DNAH10: variants seen among roughly 807,000 people sequenced by gnomAD.
The protein encoded by DNAH10 is dynein axonemal heavy chain 10.
In DNAH10, 348 loss-of-function variants were observed where a neutral mutation model predicts 506.6. That is an observed-to-expected ratio of 0.69 (90% CI 0.63 to 0.75). DNAH10 has a LOEUF of 0.75. Ranked by LOEUF, DNAH10 falls within the 30% of genes least tolerant of loss-of-function variation. DNAH10 has a pLI of 0.00. For missense variants in DNAH10, 5,179 were observed against 5,787.1 expected (o/e 0.89, Z 3.41); for synonymous variants, 2,059 against 2,198.6 (o/e 0.94, Z 1.78).
rs778755341 is a variant in DNAH10, at chr12:123,784,069, C to G, written c.1122C>G (p.Asp374Glu). The change falls in exon 8 of 79, where the codon GAC (aspartate) becomes GAG (glutamate). Residue 374 changes from aspartate to glutamate, a missense_variant. Physicochemically the swap from Asp to Glu is conservative, Grantham distance 45. This residue lies in a region of DNAH10 where 4,844 missense variants were observed against 5,430.5 expected (regional missense o/e 0.89). Coordinates refer to ENST00000673944, the MANE Select transcript of DNAH10 (RefSeq NM_001372106.1). ...RKVLDVIKES[D>E]SMLVANLQPV... ...TCTTGGATGTGATCAAGGAATCCGACTCCATGCTTGTGGCTAATCTGCAGC... is the reference window on the plus strand; with the variant it reads ...TCTTGGATGTGATCAAGGAATCCGAGTCCATGCTTGTGGCTAATCTGCAGC... 1 of 1,614,222 alleles carries G rather than the reference C, an allele frequency of 6.2e-7. No homozygotes were observed. Among genetic ancestry groups the G allele is most frequent in the South Asian group, 1.1e-5 (1 of 91,090 alleles).
intron 43 of DNAH10, among the ~76,000 whole-genome samples, chr12:123,869,625 C>G (rs574105567): frequency 2.0e-5 from 3 of 152,324 alleles, no homozygotes; most frequent in Admixed American, 6.5e-5. Flanking sequence ...GCTGAAAAGC[C>G]TATAGCTCCT....
intron 56 of DNAH10, among the ~76,000 whole-genome samples, chr12:123,899,124 G>A (rs1953398351): frequency 1.3e-5 from 2 of 152,188 alleles, no homozygotes; most frequent in South Asian, 4.1e-4. Flanking sequence ...ATGGGCTGGT[G>A]AACTAAGTCC....
intron 60 of DNAH10, among the ~76,000 whole-genome samples, chr12:123,914,039 A>G (rs1954350415): frequency 6.6e-6 from 1 of 152,194 alleles, no homozygotes; most frequent in Admixed American, 6.5e-5. Flanking sequence ...TTCAGAAACA[A>G]CGTGATTACT....
At position 123,919,879 on chromosome 12, in the gene DNAH10, T is replaced by G. The variant is rs1453704948; in HGVS notation, c.11506+930T>G. Among the ~76,000 whole-genome samples the G allele has an allele frequency of 1.3e-5, 2 of 152,250 alleles. No individual in the cohort carries two copies. Among genetic ancestry groups the G allele is most frequent in the East Asian group, 1.9e-4 (1 of 5,204 alleles). On this transcript the variant is annotated intron_variant, in intron 65 of 78. Transcript: ENST00000673944. This position sits in a 1 kb window ranked among gnomAD's most constrained non-coding sequence, Gnocchi z 4.9. ...CCCGTCACCTGATGGGCATTTGGGT[T>G]GTTTCGCTTGTTTTGCTATTAAGGC... is the stretch of plus-strand genomic sequence containing the variant.
chr12:123,841,203 C>T (rs933661088), intron 29 of DNAH10, 119 bp from the exon 30 acceptor site: 5 of 1,015,564 alleles, frequency 4.9e-6, no homozygotes, highest in East Asian at 4.8e-5. Context: ...CCTGCGATCT[C>T]GGCTCACCGG....
chr12:123,843,475 G>A (rs1950841740), intron 30 of DNAH10, among the ~76,000 whole-genome samples: 1 of 152,142 alleles, frequency 6.6e-6, no homozygotes, highest in East Asian at 1.9e-4. Context: ...TGATGTGTAG[G>A]AATCATGGAT....
intron 54 of DNAH10, 62 bp from the exon 55 acceptor site, chr12:123,897,708 G>C (rs1445795899): frequency 1.9e-6 from 3 of 1,569,162 alleles, no homozygotes; most frequent in South Asian, 1.2e-5. Flanking sequence ...CTGGGCAACA[G>C]AGTGAGACCC....
Position 123,819,554 on chromosome 12 carries a change from G to T in DNAH10, c.4000+304G>T, listed in dbSNP as rs755715724. Among the ~76,000 whole-genome samples the T allele has an allele frequency of 1.1e-4, 17 of 152,222 alleles. No homozygotes were observed. The Middle Eastern group carries it at 0.017, about 152-fold the overall frequency. On this transcript the variant is annotated intron_variant, in intron 23 of 78. Coordinates refer to ENST00000673944, the MANE Select transcript of DNAH10 (RefSeq NM_001372106.1). ...CGCAGCTCAGAAATCTTAAACACCA[G>T]CGACTGCCTTTACAAAGGCAGCGTC...
rs1566113432 is a variant in DNAH10, at chr12:123,925,273, A to G, written c.11921+69A>G. The G allele has an allele frequency of 6.2e-7, 1 of 1,602,004 alleles. No homozygotes were observed. Among genetic ancestry groups the G allele is most frequent in the East Asian group, 2.2e-5 (1 of 44,696 alleles). On this transcript the variant is annotated intron_variant, in intron 68 of 78. Coordinates refer to ENST00000673944, the MANE Select transcript of DNAH10 (RefSeq NM_001372106.1). The surrounding 1 kb of genome is among the most constrained non-coding windows in gnomAD (Gnocchi z 4.0). ...AATCTCTAGCGTCCTCCCACCTTGG[A>G]CTCAAAGAAAGCAGAGGCTGACCAG...
In DNAH10 at chr12:123,929,346, G is replaced by A. The variant is rs759970608; in HGVS notation, c.12378G>A (p.Met4126Ile). Reference sequence around the variant, plus strand: ...CTTACTTCAAGATCTCTCACGAAATGCTGGACCAGTGCCCGCACCCTGCCT... The same window carrying A: ...CTTACTTCAAGATCTCTCACGAAATACTGGACCAGTGCCCGCACCCTGCCT... ...RATYFKISHE[M>I]LDQCPHPAFK... Residue 4126 changes from methionine to isoleucine, a missense_variant, in exon 71 of 79, where the codon ATG (methionine) becomes ATA (isoleucine). Transcript: ENST00000673944. 5 of 1,609,898 alleles carry A rather than the reference G, an allele frequency of 3.1e-6. No homozygotes were observed. The highest frequency in any genetic ancestry group is 4.2e-6 in the Non-Finnish European group (5 of 1,178,108).
At chr12:123,892,562 G>A (rs534065532) in intron 52 of DNAH10, among the ~76,000 whole-genome samples, 7 of 152,324 alleles carry the variant, frequency 4.6e-5, no homozygotes, top group South Asian at 2.1e-4. Flanking sequence ...TCAGTGAATC[G>A]GGGAGGAAGC....
In DNAH10 at chr12:123,879,291, A is replaced by T; in HGVS notation, c.8400A>T (p.Arg2800Ser). ...ERFQTVAQMV[R>S]VWRNECLRVF... ...TCCAGACGGTGGCCCAGATGGTGAG[A>T]GTCTGGAGGAATGAGTGTCTGAGAG... Residue 2800 changes from arginine (R) to serine (S), a missense_variant, in exon 49 of 79, where the codon AGA (arginine) becomes AGT (serine). Coordinates refer to ENST00000673944, the MANE Select transcript of DNAH10 (RefSeq NM_001372106.1). The T allele has an allele frequency of 6.3e-7, 1 of 1,579,648 alleles. No individual in the cohort carries two copies. The highest frequency in any genetic ancestry group is 8.6e-7 in the Non-Finnish European group (1 of 1,162,228).
chr12:123,892,979 T>G (rs1181567756), intron 52 of DNAH10, among the ~76,000 whole-genome samples: 1 of 152,172 alleles, frequency 6.6e-6, no homozygotes, highest in Admixed American at 6.5e-5. Flanking sequence ...CTCTGCATGC[T>G]CCCTGTGATG....
At chr12:123,803,170 G>A (rs1233249004) in intron 16 of DNAH10, among the ~76,000 whole-genome samples, 1 of 152,010 alleles carries the variant, frequency 6.6e-6, no homozygotes, top group Non-Finnish European at 1.5e-5. Flanking sequence ...CTTGTGTTTT[G>A]TTTCTAAAAA....
intron 26 of DNAH10, among the ~76,000 whole-genome samples, chr12:123,832,237 CAG>C (rs1960639974): frequency 6.6e-6 from 1 of 152,024 alleles, no homozygotes; most frequent in Admixed American, 6.5e-5. Flanking sequence ...AATGTACACA[CAG>C]TGTACCTAAT....
rs1423672895 is a variant in DNAH10 at position 123,897,980 on chromosome 12, G to A, written c.9478+13G>A. 1 of 1,543,094 alleles carries A rather than the reference G, an allele frequency of 6.5e-7. No individual in the cohort carries two copies. Among genetic ancestry groups the A allele is most frequent in the Non-Finnish European group, 8.7e-7 (1 of 1,151,240 alleles). On this transcript the variant is annotated intron_variant, in intron 55 of 78. Transcript: ENST00000673944. ...CAGTGTAATATAGGTAAGCCTTGGGGATGGGGTGGTTGACAAAAGTCATTA... is the reference window on the plus strand; with the variant it reads ...CAGTGTAATATAGGTAAGCCTTGGGAATGGGGTGGTTGACAAAAGTCATTA...
chr12:123,819,607 CT>C (rs1959208795), intron 23 of DNAH10, among the ~76,000 whole-genome samples: 1 of 151,996 alleles, frequency 6.6e-6, no homozygotes, highest in African/African-American at 2.4e-5. Context: ...TCTCTAATGC[CT>C]GTTACATTTA....
intron 33 of DNAH10, 129 bp from the exon 34 acceptor site, chr12:123,848,601 T>C (rs991360705): frequency 6.5e-5 from 85 of 1,303,850 alleles, no homozygotes; most frequent in Non-Finnish European, 8.4e-5. Context: ...GTCAAGTGGC[T>C]GGTCACCTGC....
chr12:123,875,290 C>CT lies in DNAH10; in HGVS notation c.7999dup (p.Tyr2667LeufsTer4). On this transcript the variant is annotated frameshift_variant, in exon 47 of 79. Coordinates refer to ENST00000673944, the MANE Select transcript of DNAH10 (RefSeq NM_001372106.1). LOFTEE classifies it high-confidence loss of function. Reference sequence around the variant, plus strand: ...TGCTGAAGCTGCTGTTGGAAAAAGGCTACTTATATGACCGTGGGAAGGAGC... The same window carrying CT: ...TGCTGAAGCTGCTGTTGGAAAAAGGCTTACTTATATGACCGTGGGAAGGAGC... 6.2e-7 allele frequency: 1 copy of CT among 1,613,122 alleles called. No individual in the cohort carries two copies. The highest frequency in any genetic ancestry group is 8.5e-7 in the Non-Finnish European group (1 of 1,179,464).
Sources: allele counts gnomAD v4.1 joint callset (sites outside exome capture counted in the v4.1 genomes callset), GRCh38; gene constraint gnomAD v4.1.1; regional missense constraint gnomAD v4.1.1; non-coding constraint Gnocchi (gnomAD v3.1); transcripts MANE v1.5; gene names NCBI Gene and HGNC (gene_info 2026-07-23, HGNC 2026-07-21).